Variants in MYRIP observed in about 807,000 individuals in gnomAD.
MYRIP encodes rab effector MyRIP.
In MYRIP, 49 loss-of-function variants were observed where a neutral mutation model predicts 98.0. That is an observed-to-expected ratio of 0.50 (90% CI 0.40 to 0.63). The LOEUF (loss-of-function observed/expected upper bound fraction) is 0.63. MYRIP is among the 30% of genes least tolerant of loss of function. The pLI, the probability that MYRIP is intolerant of heterozygous loss-of-function variation, is 0.00. For synonymous variants in MYRIP, 404 were observed against 409.5 expected (o/e 0.99, Z 0.16); for missense variants, 1,004 against 1,058.2 (o/e 0.95, Z 0.71).
chr3:39,830,975 A>G (rs1375692013), intron 1 of MYRIP, among the ~76,000 whole-genome samples: 1 of 152,142 alleles, frequency 6.6e-6, no homozygotes, highest in Non-Finnish European at 1.5e-5. Context: ...AATGACCACC[A>G]TGTTATGGAA....
At chr3:40,018,947 G>T (rs989384097) in intron 2 of MYRIP, among the ~76,000 whole-genome samples, 2 of 152,102 alleles carry the variant, frequency 1.3e-5, no homozygotes, top group Admixed American at 1.3e-4. Flanking sequence ...AACATTCTAT[G>T]CAGCAGACTA....
chr3:40,112,583 G>T (rs1949181090), intron 3 of MYRIP, among the ~76,000 whole-genome samples: 1 of 152,220 alleles, frequency 6.6e-6, no homozygotes, highest in South Asian at 2.1e-4. Context: ...CCATCGGTGA[G>T]CCTGAGCTCG....
intron 2 of MYRIP, among the ~76,000 whole-genome samples, chr3:39,981,406 A>G (rs113492220): frequency 6.6e-6 from 1 of 152,026 alleles, no homozygotes; most frequent in African/African-American, 2.4e-5. Flanking sequence ...AAATACTAGT[A>G]CTTCTTTTGT....
chr3:39,891,421 T>C (rs1943484535), intron 1 of MYRIP, among the ~76,000 whole-genome samples: 1 of 152,180 alleles, frequency 6.6e-6, no homozygotes, highest in African/African-American at 2.4e-5. Flanking sequence ...ATCTGCATGA[T>C]ATTCCAGGGA....
chr3:40,085,468 A>C (rs1217498433), intron 3 of MYRIP, among the ~76,000 whole-genome samples: 3 of 151,966 alleles, frequency 2.0e-5, no homozygotes, highest in Non-Finnish European at 2.9e-5. Context: ...TATTTTTAGT[A>C]GAGACGGGGT....
intron 1 of MYRIP, among the ~76,000 whole-genome samples, chr3:39,837,882 C>G (rs1053073715): frequency 2.0e-5 from 3 of 152,154 alleles, no homozygotes; most frequent in African/African-American, 7.2e-5. Flanking sequence ...CGTGTCCTCT[C>G]TTATTTCCTT....
chr3:40,223,147 T>C (rs766205129), intron 11 of MYRIP, among the ~76,000 whole-genome samples: 1 of 152,226 alleles, frequency 6.6e-6, no homozygotes, highest in Non-Finnish European at 1.5e-5. Flanking sequence ...GGTGTAAAGA[T>C]GAATTCTTCC....
At chr3:40,222,368 T>C (rs1952362248) in intron 11 of MYRIP, among the ~76,000 whole-genome samples, 1 of 152,156 alleles carries the variant, frequency 6.6e-6, no homozygotes, top group Non-Finnish European at 1.5e-5. Context: ...CATAGCACAC[T>C]GGTGGGGTGT....
Position 39,900,084 on chromosome 3 carries a change from G to A in MYRIP, c.-30-703G>A, listed in dbSNP as rs561677257. 1.4e-4 allele frequency among the ~76,000 whole-genome samples: 21 copies of A among 152,284 alleles called. 1 individual carries two copies. The Middle Eastern group carries it at 0.017, about 123-fold the overall frequency. ...GATCTGCCCACTTCGGCCTCCCAAA[G>A]TGCCGGGATTACAGGCTTGAGCCAC... On this transcript the variant is annotated intron_variant, in intron 1 of 16. Transcript: ENST00000302541.
intron 1 of MYRIP, among the ~76,000 whole-genome samples, chr3:39,855,884 G>C (rs1395696828): frequency 6.6e-6 from 1 of 152,168 alleles, no homozygotes; most frequent in Non-Finnish European, 1.5e-5. Context: ...TCAGTTGGGA[G>C]ATTTTTCACC....
At chr3:39,872,271 CT>C (rs1307843922) in intron 1 of MYRIP, among the ~76,000 whole-genome samples, 1 of 151,522 alleles carries the variant, frequency 6.6e-6, no homozygotes, top group East Asian at 1.9e-4. Flanking sequence ...TTCTTTCTTT[CT>C]TTTTTTTAAA....
At chr3:39,876,447 T>C (rs1942998484) in intron 1 of MYRIP, among the ~76,000 whole-genome samples, 1 of 152,228 alleles carries the variant, frequency 6.6e-6, no homozygotes, top group Admixed American at 6.5e-5. Flanking sequence ...CGATGGTCTT[T>C]ACATTTTGGC....
intron 1 of MYRIP, among the ~76,000 whole-genome samples, chr3:39,834,215 A>C (rs1414122788): frequency 1.3e-5 from 2 of 152,332 alleles, no homozygotes; most frequent in Non-Finnish European, 2.9e-5. Flanking sequence ...GGTTATGCTT[A>C]AGAGTTCTGT....
In MYRIP at chr3:40,157,897, T is replaced by C. The variant is rs527825523; in HGVS notation, c.470-4833T>C. 6.6e-5 allele frequency among the ~76,000 whole-genome samples: 10 copies of C among 152,304 alleles called. No individual in the cohort carries two copies. The South Asian group carries it at 2.1e-3, about 32-fold the overall frequency. ...TGATTCTTCTCTCTCTTTTTCTTTA[T>C]TAGTCTTGCTAGCGATTTATCAGTT... On this transcript the variant is annotated intron_variant, in intron 4 of 16. Transcript: ENST00000302541.
At chr3:40,161,447 C>T (rs185358778) in intron 4 of MYRIP, among the ~76,000 whole-genome samples, 46 of 152,308 alleles carry the variant, frequency 3.0e-4, no homozygotes, top group Admixed American at 2.0e-3. Flanking sequence ...AATCTTCCTT[C>T]CTATGGCCTA....
Position 40,192,309 on chromosome 3 carries a change from C to CATATATATATGACATAT in MYRIP, c.1665+1856_1665+1857insGACATATATATATATAT, listed in dbSNP as rs1322376887. 5.5e-3 allele frequency among the ~76,000 whole-genome samples: 320 copies of CATATATATATGACATAT among 57,938 alleles called. 68 individuals are homozygous for CATATATATATGACATAT. Among genetic ancestry groups the CATATATATATGACATAT allele is most frequent in the Middle Eastern group, 0.027 (2 of 74 alleles). 38.0% of individuals were successfully genotyped at this position (57,938 alleles called of 152,430 possible). On this transcript the variant is annotated intron_variant, in intron 10 of 16. Coordinates refer to ENST00000302541, the MANE Select transcript of MYRIP (RefSeq NM_015460.4). Reference sequence around the variant, plus strand: ...ATTTACTGCGGCAGTTAGTTTTCTTCATATATATATATATATGTCATATAT... The same window carrying CATATATATATGACATAT: ...ATTTACTGCGGCAGTTAGTTTTCTTCATATATATATGACATATATATATATATATATATGTCATATAT...
At chr3:40,253,711 A>G (rs1350418161) in intron 16 of MYRIP, among the ~76,000 whole-genome samples, 1 of 152,230 alleles carries the variant, frequency 6.6e-6, no homozygotes, top group East Asian at 1.9e-4. Flanking sequence ...TAGAGTTTAC[A>G]ACCTCGATGT....
chr3:39,927,999 C>T (rs1034243315), intron 2 of MYRIP, among the ~76,000 whole-genome samples: 3 of 151,880 alleles, frequency 2.0e-5, no homozygotes, highest in Admixed American at 1.3e-4. Flanking sequence ...ATGAGAAACA[C>T]CCTCAACAAA....
intron 1 of MYRIP, among the ~76,000 whole-genome samples, chr3:39,871,030 G>C (rs1327214221): frequency 2.0e-5 from 3 of 152,168 alleles, no homozygotes; most frequent in Non-Finnish European, 4.4e-5. Context: ...CATGTAGGTG[G>C]GCTGTCAGAC....
Sources: gnomAD v4.1 joint callset for allele counts (sites outside exome capture counted in the v4.1 genomes callset) on GRCh38, gnomAD v4.1.1 for gene constraint, MANE v1.5 for transcripts, NCBI Gene and HGNC (gene_info 2026-07-23, HGNC 2026-07-21) for gene names.